NHSL2: variants seen among roughly 807,000 people sequenced by gnomAD.
The protein encoded by NHSL2 is NHS-like protein 2.
Under a neutral mutation model 53.4 loss-of-function variants are expected in NHSL2, and 27 were observed. The observed-to-expected ratio is 0.51, with a 90% CI of 0.37 to 0.70. The LOEUF is 0.70. Among genes scored for constraint, NHSL2 ranks in the 30% least tolerant of loss-of-function variants. The pLI is 0.00. For synonymous variants in NHSL2, 408 were observed against 404.1 expected, an observed-to-expected ratio of 1.01 and a Z score of -0.12; for missense variants, 892 against 980.1, an observed-to-expected ratio of 0.91 and a Z score of 1.20.
intron 2 of NHSL2, among the ~76,000 whole-genome samples, chrX:72,132,638 C>T (rs1468585445): frequency 3.6e-5 from 4 of 111,531 alleles, no homozygotes; most frequent in Non-Finnish European, 5.7e-5. Flanking sequence ...TGCAGGATCT[C>T]CCACTCTGGG....
intron 1 of NHSL2, among the ~76,000 whole-genome samples, chrX:72,003,500 G>C (rs1450073071): frequency 9.0e-6 from 1 of 111,614 alleles, no homozygotes; most frequent in Admixed American, 9.5e-5. Context: ...AAACCACCTA[G>C]AACTGGGTTC....
Position 71,996,952 on chromosome X carries a change from C to T in NHSL2, c.280+85585C>T, listed in dbSNP as rs567991184. Among the ~76,000 whole-genome samples the T allele has an allele frequency of 3.9e-4, 44 of 112,543 alleles. No individual in the cohort carries two copies. In the South Asian group the frequency reaches 7.0e-3, roughly 18 times the overall value. ...GTCTTGCCCTGCCAGGAATGTGGGG[C>T]GTCCTGAGAGGCTGGGACCAGTGAG... is the stretch of plus-strand genomic sequence containing the variant. On this transcript the variant is annotated intron_variant, in intron 1 of 7. Coordinates refer to ENST00000633930, the MANE Select transcript of NHSL2 (RefSeq NM_001013627.3).
At chrX:71,923,742 C>T (rs760440657) in intron 1 of NHSL2, among the ~76,000 whole-genome samples, 117 of 111,906 alleles carry the variant, frequency 1.0e-3, no homozygotes, top group African/African-American at 3.5e-3. Context: ...TGTTGTTTGA[C>T]GTGGCTGTGC....
chrX:72,104,536 A>G (rs926625536), intron 1 of NHSL2, among the ~76,000 whole-genome samples: 15 of 111,650 alleles, frequency 1.3e-4, no homozygotes, highest in Non-Finnish European at 2.3e-4. Flanking sequence ...GAGCATGGGC[A>G]TGTGTTCTGC....
intron 1 of NHSL2, among the ~76,000 whole-genome samples, chrX:72,107,385 C>T (rs1335736953): frequency 8.9e-6 from 1 of 112,822 alleles, no homozygotes; most frequent in Non-Finnish European, 1.9e-5. Context: ...TCAGCTAATA[C>T]TAAGGGGTTT....
chrX:72,100,058 A>G (rs1020691826), intron 1 of NHSL2, among the ~76,000 whole-genome samples: 2 of 111,600 alleles, frequency 1.8e-5, no homozygotes, highest in African/African-American at 3.3e-5. Context: ...CAACTTCACC[A>G]CTCAAGGCAA....
intron 1 of NHSL2, among the ~76,000 whole-genome samples, chrX:72,072,206 C>A (rs2041706961): frequency 8.9e-6 from 1 of 112,436 alleles, no homozygotes; most frequent in African/African-American, 3.2e-5. Context: ...AATGTGTATT[C>A]AAAAAATATA....
chrX:72,136,914 C>G (rs1253615250), intron 4 of NHSL2, among the ~76,000 whole-genome samples, 180 bp from the exon 5 acceptor site: 1 of 112,009 alleles, frequency 8.9e-6, no homozygotes, highest in Non-Finnish European at 1.9e-5. Flanking sequence ...CTGGGTGCAG[C>G]CTGGGAAACC....
rs773354658 is a variant in NHSL2, at chrX:72,130,535, C to T, written c.281-1544C>T. ...TAGTACTCTTCATCTTCACTTTCTT[C>T]CTCATTGGGACTCGGAGCAAAAGGG... On this transcript the variant is annotated intron_variant, in intron 1 of 7. Transcript: ENST00000633930. 48 of 1,211,112 alleles carry T rather than the reference C, an allele frequency of 4.0e-5. No homozygotes were observed. In the Admixed American group the frequency reaches 1.0e-3, roughly 25 times the overall value.
intron 1 of NHSL2, among the ~76,000 whole-genome samples, chrX:71,941,358 G>C (rs192566673): frequency 1.7e-4 from 19 of 111,722 alleles, no homozygotes; most frequent in Non-Finnish European, 3.2e-4. Flanking sequence ...TGGGTTTTCT[G>C]CCCTGAGTCA....
At chrX:72,032,556 T>A (rs2042220993) in intron 1 of NHSL2, among the ~76,000 whole-genome samples, 1 of 111,750 alleles carries the variant, frequency 8.9e-6, no homozygotes, top group South Asian at 3.7e-4. Context: ...ATGACTTTTT[T>A]AATTTCAAGA....
rs1208807810 is a variant in NHSL2 at position 72,149,322 on chromosome X, G to C, written c.*5748G>C. 1.8e-5 allele frequency: 2 copies of C among 111,464 alleles called. No homozygotes were observed. The highest frequency in any genetic ancestry group is 3.8e-5 in the Non-Finnish European group (2 of 53,113). The allele number at this position is 111,464 out of a possible 1,213,427, so 9.2% of individuals were successfully genotyped here. A position where few individuals can be genotyped will look rare whatever the true frequency, so the allele number is the denominator to read the frequency against. ...TACCGTGGTGGCTGTTCTCCAGTAA[G>C]GCTCTGGCAGAAGTATATTTGATTT... On this transcript the variant is annotated 3_prime_UTR_variant, in exon 8 of 8. Coordinates refer to ENST00000633930, the MANE Select transcript of NHSL2 (RefSeq NM_001013627.3).
intron 1 of NHSL2, chrX:72,131,215 T>G (rs1240489363): frequency 8.3e-7 from 1 of 1,198,087 alleles, no homozygotes; most frequent in East Asian, 3.0e-5. Flanking sequence ...GCTGCGATCC[T>G]GGATCACGTT....
intron 1 of NHSL2, among the ~76,000 whole-genome samples, chrX:71,970,263 A>G (rs1384555946): frequency 8.9e-6 from 1 of 112,109 alleles, no homozygotes; most frequent in Admixed American, 9.5e-5. Context: ...GCCTCACAGA[A>G]TGAGTCTGGA....
chrX:72,130,074 G>T, intron 1 of NHSL2: 1 of 1,211,297 alleles, frequency 8.3e-7, no homozygotes, highest in Non-Finnish European at 1.1e-6. Context: ...AGTTTTCGGC[G>T]TGGTAACCAC....
At chrX:72,062,402 A>G (rs2042404163) in intron 1 of NHSL2, among the ~76,000 whole-genome samples, 1 of 112,627 alleles carries the variant, frequency 8.9e-6, no homozygotes. Flanking sequence ...ATAAATATGT[A>G]TATATGGGAG....
At chrX:72,031,738 A>G (rs1377731629) in intron 1 of NHSL2, among the ~76,000 whole-genome samples, 1 of 107,228 alleles carries the variant, frequency 9.3e-6, no homozygotes, top group Non-Finnish European at 1.9e-5. Flanking sequence ...CTCGCTTGGA[A>G]AAAAAAAAAA....
At chrX:72,002,320 A>G (rs1050727059) in intron 1 of NHSL2, among the ~76,000 whole-genome samples, 1 of 112,462 alleles carries the variant, frequency 8.9e-6, no homozygotes, top group Non-Finnish European at 1.9e-5. Flanking sequence ...GTTTCCAGCT[A>G]TATTACAGTC....
intron 1 of NHSL2, among the ~76,000 whole-genome samples, chrX:71,997,230 C>G (rs2042053743): frequency 9.0e-6 from 1 of 111,566 alleles, no homozygotes; most frequent in African/African-American, 3.3e-5. Context: ...GGACAGGACT[C>G]TACGACAACA....
Sources: allele counts gnomAD v4.1 joint callset (sites outside exome capture counted in the v4.1 genomes callset), GRCh38; gene constraint gnomAD v4.1.1; transcripts MANE v1.5; gene names NCBI Gene and HGNC (gene_info 2026-07-23, HGNC 2026-07-21).